The following COMMD10 variants were observed in gnomAD, a reference collection of about 807,000 sequenced individuals.
COMMD10 encodes the protein COMM domain-containing protein 10.
A neutral mutation model predicts 28.9 loss-of-function variants in COMMD10; 33 were observed. That is an observed-to-expected ratio of 1.14 (90% CI 0.87 to 1.53). The LOEUF (loss-of-function observed/expected upper bound fraction) is 1.53. Ranked by LOEUF, COMMD10 falls within the 40% of genes most tolerant of loss-of-function variation. The probability of loss-of-function intolerance (pLI) is 0.00; values close to 1 mark genes in which losing one functional copy is unlikely to be tolerated. For missense variants in COMMD10, 310 were observed against 233.4 expected (o/e 1.33, Z -2.14); for synonymous variants, 110 against 81.7 (o/e 1.35, Z -1.87).
intron 4 of COMMD10, among the ~76,000 whole-genome samples, chr5:116,129,957 T>C (rs1008178683): frequency 1.3e-5 from 2 of 151,180 alleles, no homozygotes; most frequent in African/African-American, 4.9e-5. Context: ...TGTGAAGCTG[T>C]GTGTGTGGGT....
At chr5:116,171,220 C>A (rs372530964) in intron 5 of COMMD10, among the ~76,000 whole-genome samples, 1 of 151,888 alleles carries the variant, frequency 6.6e-6, no homozygotes, top group Non-Finnish European at 1.5e-5. Flanking sequence ...AGCAGACATA[C>A]GAAAAAAAGC....
chr5:116,228,408 GTTAATA>G (rs1561676832), intron 5 of COMMD10, among the ~76,000 whole-genome samples: 1 of 151,786 alleles, frequency 6.6e-6, no homozygotes, highest in Non-Finnish European at 1.5e-5. Flanking sequence ...CAAGCTATAT[GTTAATA>G]TTAAATTAAT....
intron 4 of COMMD10, among the ~76,000 whole-genome samples, chr5:116,126,812 C>T (rs918306458): frequency 6.6e-6 from 1 of 152,098 alleles, no homozygotes; most frequent in South Asian, 2.1e-4. Flanking sequence ...GACCTAAAAC[C>T]ATAAAAACCC....
At chr5:116,123,723 A>G (rs1361426691) in intron 4 of COMMD10, among the ~76,000 whole-genome samples, 1 of 152,148 alleles carries the variant, frequency 6.6e-6, no homozygotes, top group African/African-American at 2.4e-5. Context: ...TTGGCAGGCT[A>G]TTAATTATTT....
chr5:116,251,266 TTTTATTTATTTATTTATTTA>T (rs139799729), intron 5 of COMMD10, among the ~76,000 whole-genome samples: 1 of 138,072 alleles, frequency 7.2e-6, no homozygotes, highest in Non-Finnish European at 1.5e-5. Context: ...ACTCTTTTCT[TTTTATTTATTTATTTATTTA>T]TTTATTTATT....
At chr5:116,263,556 T>A (rs1750505479) in intron 5 of COMMD10, among the ~76,000 whole-genome samples, 1 of 151,642 alleles carries the variant, frequency 6.6e-6, no homozygotes, top group Non-Finnish European at 1.5e-5. Context: ...CCCTTTTAGG[T>A]CCGATAAGAA....
At chr5:116,202,752 A>G (rs1487253949) in intron 5 of COMMD10, among the ~76,000 whole-genome samples, 2 of 150,724 alleles carry the variant, frequency 1.3e-5, no homozygotes, top group East Asian at 3.9e-4. Flanking sequence ...TTTCTTGTAA[A>G]TTTGTTTGAG....
chr5:116,263,894 ACCTCC>A (rs1337205154), intron 5 of COMMD10, among the ~76,000 whole-genome samples: 8 of 151,538 alleles, frequency 5.3e-5, no homozygotes, highest in Non-Finnish European at 1.0e-4. Flanking sequence ...TGTTCTCAGG[ACCTCC>A]TGAGGGCTGT....
chr5:116,261,718 CTT>C (rs1473103684), intron 5 of COMMD10, among the ~76,000 whole-genome samples: 2 of 151,638 alleles, frequency 1.3e-5, no homozygotes, highest in African/African-American at 4.9e-5. Flanking sequence ...ACCAGAATAA[CTT>C]TTAGTGGTCT....
intron 5 of COMMD10, among the ~76,000 whole-genome samples, chr5:116,145,670 C>T (rs1433829870): frequency 6.6e-6 from 1 of 151,854 alleles, no homozygotes; most frequent in Non-Finnish European, 1.5e-5. Flanking sequence ...TCCCCACAAT[C>T]CCCACGTGTC....
intron 5 of COMMD10, among the ~76,000 whole-genome samples, chr5:116,231,884 A>G (rs922041912): frequency 6.6e-6 from 1 of 152,188 alleles, no homozygotes; most frequent in African/African-American, 2.4e-5. Flanking sequence ...AATGTTTAAC[A>G]AAAAACAAAT....
In COMMD10 at chr5:116,132,761, A is replaced by G. The variant is rs149456297; in HGVS notation, c.400-1307A>G. 6.7e-3 allele frequency among the ~76,000 whole-genome samples: 1,026 copies of G among 152,280 alleles called. 6 individuals carry two copies. The highest frequency in any genetic ancestry group is 0.027 in the Middle Eastern group (8 of 294). ...GACTTGATAATAGTGGCAGGCTGGT[A>G]TCAGAGACTATGCTTGCTGTAATCA... On this transcript the variant is annotated intron_variant, in intron 4 of 6. Coordinates refer to ENST00000274458, the MANE Select transcript of COMMD10 (RefSeq NM_016144.4).
intron 5 of COMMD10, among the ~76,000 whole-genome samples, chr5:116,268,814 G>A (rs1009875933): frequency 1.3e-5 from 2 of 151,644 alleles, no homozygotes; most frequent in Non-Finnish European, 2.9e-5. Flanking sequence ...GGATGAAGCT[G>A]GAAACCATCA....
rs552353422 is a variant in COMMD10, at chr5:116,245,699, TA to T, written c.511-45815del. Reference sequence around the variant, plus strand: ...GGTCGGTTCAACATATGCAAATCAATAAATGTCATTCATCACATAAGCAGAG... The same window carrying T: ...GGTCGGTTCAACATATGCAAATCAATAATGTCATTCATCACATAAGCAGAG... On this transcript the variant is annotated intron_variant, in intron 5 of 6. Transcript: ENST00000274458. Among the ~76,000 whole-genome samples the T allele has an allele frequency of 2.0e-3, 305 of 152,234 alleles. 2 individuals are homozygous for T. Among genetic ancestry groups the T allele is most frequent in the African/African-American group, 7.0e-3 (290 of 41,558 alleles).
intron 4 of COMMD10, among the ~76,000 whole-genome samples, chr5:116,096,366 T>G (rs1459805452): frequency 6.6e-6 from 1 of 151,830 alleles, no homozygotes; most frequent in Admixed American, 6.6e-5. Flanking sequence ...CTATTGGTAG[T>G]ATTTTTCAAA....
intron 4 of COMMD10, among the ~76,000 whole-genome samples, chr5:116,123,854 C>T (rs1751524519): frequency 6.6e-6 from 1 of 152,080 alleles, no homozygotes; most frequent in South Asian, 2.1e-4. Context: ...AGTTTATTTG[C>T]ATAGAGGTGT....
intron 5 of COMMD10, among the ~76,000 whole-genome samples, chr5:116,162,974 G>T (rs953810445): frequency 1.3e-5 from 2 of 152,082 alleles, no homozygotes; most frequent in Non-Finnish European, 2.9e-5. Context: ...GCATTGTTAA[G>T]AATTTGTCCT....
At chr5:116,228,165 T>A (rs1749443292) in intron 5 of COMMD10, among the ~76,000 whole-genome samples, 1 of 151,962 alleles carries the variant, frequency 6.6e-6, no homozygotes, top group East Asian at 1.9e-4. Context: ...ATCTCAAGTT[T>A]GCTTACAGGT....
chr5:116,097,944 C>T (rs1390243674), intron 4 of COMMD10, among the ~76,000 whole-genome samples: 1 of 152,116 alleles, frequency 6.6e-6, no homozygotes, highest in Non-Finnish European at 1.5e-5. Context: ...CCAGTCACCT[C>T]CCACCGGGCC....
Sources: gnomAD v4.1 joint callset for allele counts (sites outside exome capture counted in the v4.1 genomes callset) on GRCh38, gnomAD v4.1.1 for gene constraint, MANE v1.5 for transcripts, NCBI Gene and HGNC (gene_info 2026-07-23, HGNC 2026-07-21) for gene names.